Variants in PTDSS1 observed in about 807,000 individuals in gnomAD.
PTDSS1 encodes phosphatidylserine synthase 1.
In PTDSS1, 45 loss-of-function variants were observed where a neutral mutation model predicts 70.5. That is an observed-to-expected ratio of 0.64 (90% CI 0.50 to 0.82). PTDSS1 has a LOEUF of 0.82. Ranked by LOEUF, PTDSS1 falls within the 40% of genes least tolerant of loss-of-function variation. The pLI, the probability that PTDSS1 is intolerant of heterozygous loss-of-function variation, is 0.00. For synonymous variants in PTDSS1, 188 were observed against 203.8 expected (o/e 0.92, Z 0.66); for missense variants, 417 against 586.1 (o/e 0.71, Z 2.98).
intron 1 of PTDSS1, 129 bp from the exon 2 acceptor site, chr8:96,273,170 C>T (rs1810590192): frequency 1.6e-6 from 1 of 631,282 alleles, no homozygotes; most frequent in Non-Finnish European, 2.7e-6. Context: ...TCTCTTATTT[C>T]AGAACCTATG....
chr8:96,333,670 A>G lies in PTDSS1; in HGVS notation c.*104A>G. Reference sequence around the variant, plus strand: ...GGAGGTCGAGGCGCACAGGGCAAGCAGGAAGAGGCGAGGGCACTTGGGGGT... The same window carrying G: ...GGAGGTCGAGGCGCACAGGGCAAGCGGGAAGAGGCGAGGGCACTTGGGGGT... On this transcript the variant is annotated 3_prime_UTR_variant, in exon 13 of 13. Transcript: ENST00000517309. 9.1e-7 allele frequency: 1 copy of G among 1,104,376 alleles called. No individual in the cohort carries two copies. Among genetic ancestry groups the G allele is most frequent in the Non-Finnish European group, 1.4e-6 (1 of 724,870 alleles). The allele number at this position is 1,104,376 out of a possible 1,614,324, so 68.4% of individuals were successfully genotyped here.
intron 4 of PTDSS1, among the ~76,000 whole-genome samples, chr8:96,294,525 A>C (rs549298361): frequency 2.0e-4 from 31 of 152,292 alleles, no homozygotes; most frequent in African/African-American, 7.5e-4. Flanking sequence ...AGTATCCGAT[A>C]TATTTTTGGG....
chr8:96,320,609 G>A (rs1233971575), intron 10 of PTDSS1, among the ~76,000 whole-genome samples: 2 of 152,088 alleles, frequency 1.3e-5, no homozygotes, highest in East Asian at 1.9e-4. Context: ...CTTGACTCAC[G>A]AGAATTTGTC....
intron 2 of PTDSS1, among the ~76,000 whole-genome samples, chr8:96,277,024 CA>C (rs1810658865): frequency 6.7e-6 from 1 of 149,208 alleles, no homozygotes; most frequent in Non-Finnish European, 1.5e-5. Flanking sequence ...CACCATTCAC[CA>C]AAAGGCAGAC....
intron 5 of PTDSS1, among the ~76,000 whole-genome samples, chr8:96,295,548 A>G (rs913444398): frequency 1.3e-5 from 2 of 152,206 alleles, no homozygotes; most frequent in African/African-American, 4.8e-5. Context: ...AGACAAATAA[A>G]TGGGAATGAG....
At chr8:96,324,827 A>T (rs1051823172) in intron 10 of PTDSS1, among the ~76,000 whole-genome samples, 5 of 152,208 alleles carry the variant, frequency 3.3e-5, no homozygotes, top group African/African-American at 1.2e-4. Flanking sequence ...TTTTAGAGAG[A>T]CTTTCTGTTA....
chr8:96,288,999 A>G (rs1353309112), intron 4 of PTDSS1, among the ~76,000 whole-genome samples: 1 of 151,498 alleles, frequency 6.6e-6, no homozygotes, highest in Non-Finnish European at 1.5e-5. Flanking sequence ...TAGTGGCACA[A>G]TCTCGGCTCA....
chr8:96,318,073 C>T (rs560461536), intron 9 of PTDSS1, among the ~76,000 whole-genome samples: 4 of 152,106 alleles, frequency 2.6e-5, no homozygotes, highest in East Asian at 3.9e-4. Flanking sequence ...GCCTGTAATC[C>T]CAGCACTTTG....
At chr8:96,315,048 G>A (rs779931643) in intron 9 of PTDSS1, among the ~76,000 whole-genome samples, 7 of 152,146 alleles carry the variant, frequency 4.6e-5, no homozygotes, top group African/African-American at 1.4e-4. Context: ...GGATTCTTTG[G>A]AAGTTAGAAA....
chr8:96,276,814 G>A (rs1209405781), intron 2 of PTDSS1, among the ~76,000 whole-genome samples: 1 of 152,166 alleles, frequency 6.6e-6, no homozygotes, highest in African/African-American at 2.4e-5. Flanking sequence ...CCACAAAGGA[G>A]GTGGGTGGTG....
chr8:96,275,625 G>A (rs1810630335), intron 2 of PTDSS1, among the ~76,000 whole-genome samples: 1 of 152,160 alleles, frequency 6.6e-6, no homozygotes, highest in Admixed American at 6.5e-5. Context: ...TGGGTTCCCT[G>A]AGCTCTTTCT....
intron 7 of PTDSS1, 135 bp downstream of exon 7, chr8:96,304,316 C>G (rs1174455155): frequency 1.9e-6 from 2 of 1,077,886 alleles, no homozygotes; most frequent in Non-Finnish European, 2.6e-6. Flanking sequence ...CTGCAGCTGG[C>G]ATGTAGAATA....
intron 4 of PTDSS1, among the ~76,000 whole-genome samples, chr8:96,291,660 A>G (rs1810906737): frequency 6.6e-6 from 1 of 152,194 alleles, no homozygotes. Flanking sequence ...TTATTTGTCA[A>G]AGAAACCACA....
intron 9 of PTDSS1, among the ~76,000 whole-genome samples, chr8:96,318,470 T>C (rs967753332): frequency 5.9e-5 from 9 of 152,122 alleles, no homozygotes; most frequent in African/African-American, 9.7e-5. Context: ...ATTCACGAAG[T>C]CCGAGCCAAA....
Position 96,333,636 on chromosome 8 carries a change from T to G in PTDSS1, c.*70T>G, listed in dbSNP as rs771551605. ...GAGGGAAATGGAACTCATTTGGAAC[T>G]CCCCGTGAGGAGGTCGAGGCGCACA... On this transcript the variant is annotated 3_prime_UTR_variant, in exon 13 of 13. Coordinates refer to ENST00000517309, the MANE Select transcript of PTDSS1 (RefSeq NM_014754.3). 6.1e-6 allele frequency: 9 copies of G among 1,463,768 alleles called. No individual in the cohort carries two copies. Among genetic ancestry groups the G allele is most frequent in the Non-Finnish European group, 8.6e-6 (9 of 1,043,998 alleles). 90.7% of individuals were successfully genotyped at this position (1,463,768 alleles called of 1,614,324 possible). A position where few individuals can be genotyped will look rare whatever the true frequency, so the allele number is the denominator to read the frequency against.
At position 96,262,148 on chromosome 8, in the gene PTDSS1, C is replaced by A. The variant is rs1281123923; in HGVS notation, c.108C>A (p.Phe36Leu). 1 of 1,613,842 alleles carries A rather than the reference C, an allele frequency of 6.2e-7. No individual in the cohort carries two copies. Among genetic ancestry groups the A allele is most frequent in the Non-Finnish European group, 8.5e-7 (1 of 1,179,854 alleles). ...EQQVEDITID[F>L]FYRPHTITLL... ...AAGTGGAGGACATCACCATTGACTT[C>A]TTCTACCGGCCGCATACCATCACCC... Residue 36 changes from phenylalanine (F) to leucine (L), a missense_variant, in exon 1 of 13, where the codon TTC (phenylalanine) becomes TTA (leucine). Physicochemically the swap from Phe to Leu is conservative, Grantham distance 22. Around this residue, in one of 3 missense-constraint regions of PTDSS1, gnomAD observed 272 missense variants for 429.5 expected, o/e 0.63. Coordinates refer to ENST00000517309, the MANE Select transcript of PTDSS1 (RefSeq NM_014754.3). This position sits in a 1 kb window ranked among gnomAD's most constrained non-coding sequence, Gnocchi z 4.4.
intron 9 of PTDSS1, among the ~76,000 whole-genome samples, chr8:96,310,793 G>A (rs183112001): frequency 2.9e-4 from 44 of 151,550 alleles, no homozygotes; most frequent in African/African-American, 8.7e-4. Context: ...TTTTTGAGAC[G>A]GAGTGTTCTG....
At chr8:96,275,256 G>A (rs1810624087) in intron 2 of PTDSS1, among the ~76,000 whole-genome samples, 1 of 152,136 alleles carries the variant, frequency 6.6e-6, no homozygotes, top group African/African-American at 2.4e-5. Context: ...CCTGGGCTCA[G>A]GCAATCCTTC....
intron 4 of PTDSS1, chr8:96,287,391 C>T: frequency 4.3e-6 from 2 of 460,014 alleles, no homozygotes; most frequent in East Asian, 7.3e-5. Context: ...CGTCAGACAG[C>T]CTTGGGTGTG....
Sources: gnomAD v4.1 joint callset for allele counts (sites outside exome capture counted in the v4.1 genomes callset) on GRCh38, gnomAD v4.1.1 for gene constraint, gnomAD v4.1.1 regional missense constraint, Gnocchi (gnomAD v3.1) non-coding constraint, MANE v1.5 for transcripts, NCBI Gene and HGNC (gene_info 2026-07-23, HGNC 2026-07-21) for gene names.